The following HDX variants were observed in gnomAD, a reference collection of about 807,000 sequenced individuals.
HDX encodes chromosome X open reading frame 43.
HDX carries 19 observed loss-of-function variants against 45.2 expected under a neutral mutation model. The ratio of observed to expected loss-of-function variants is 0.42; its 90% CI spans 0.29 to 0.62. HDX has a LOEUF of 0.62. Ranked by LOEUF, HDX falls within the 20% of genes least tolerant of loss-of-function variation. The pLI, the probability that HDX is intolerant of heterozygous loss-of-function variation, is 0.20. For missense variants in HDX, 532 were observed against 493.9 expected (o/e 1.08, Z -0.73); for synonymous variants, 188 against 172.8 (o/e 1.09, Z -0.69).
chrX:84,357,535 G>A (rs920373364), intron 6 of HDX, among the ~76,000 whole-genome samples: 2 of 111,856 alleles, frequency 1.8e-5, no homozygotes, highest in Non-Finnish European at 3.8e-5. Context: ...ATACCAAGCT[G>A]ACCAAAGTTA....
chrX:84,460,946 A>G (rs1051569710), intron 4 of HDX, among the ~76,000 whole-genome samples: 2 of 111,666 alleles, frequency 1.8e-5, no homozygotes, highest in African/African-American at 6.5e-5. Context: ...CAAAAATAAT[A>G]TAATACCTAG....
chrX:84,378,837 C>A, intron 5 of HDX, among the ~76,000 whole-genome samples: 1 of 111,137 alleles, frequency 9.0e-6, no homozygotes. Flanking sequence ...GGACTAAACT[C>A]TCCAACAAAA....
At chrX:84,375,337 C>T (rs1165092682) in intron 5 of HDX, among the ~76,000 whole-genome samples, 4 of 110,300 alleles carry the variant, frequency 3.6e-5, no homozygotes, top group South Asian at 3.9e-4. Flanking sequence ...GTCAGTGTGG[C>T]GATTCCTCAG....
chrX:84,404,149 G>A (rs2038765761), intron 5 of HDX: 2 of 111,702 alleles, frequency 1.8e-5, no homozygotes, highest in African/African-American at 6.5e-5. Context: ...TAAAAAGAGA[G>A]CTGATCTAAA....
chrX:84,388,675 C>T (rs780780296), intron 5 of HDX, among the ~76,000 whole-genome samples: 3 of 111,531 alleles, frequency 2.7e-5, no homozygotes, highest in East Asian at 5.7e-4. Context: ...CTTAAAATGT[C>T]TATTTTATCC....
intron 7 of HDX, among the ~76,000 whole-genome samples, chrX:84,337,471 TTAAA>T (rs903530239): frequency 2.7e-5 from 3 of 111,528 alleles, no homozygotes; most frequent in African/African-American, 9.7e-5. Flanking sequence ...TTATTTGTGT[TTAAA>T]TATTTTTCTA....
At position 84,341,602 on chromosome X, in the gene HDX, A is replaced by G. The variant is rs191551591; in HGVS notation, c.1660+2648T>C. Reference sequence around the variant, plus strand: ...ATGCAGTTAATTGCTTTTTTAAAGAATTTCTAAAACACCAAATTCAATGGC... The same window carrying G: ...ATGCAGTTAATTGCTTTTTTAAAGAGTTTCTAAAACACCAAATTCAATGGC... On this transcript the variant is annotated intron_variant, in intron 7 of 10. Coordinates refer to ENST00000373177, the MANE Select transcript of HDX (RefSeq NM_001177479.2). Among the ~76,000 whole-genome samples the G allele has an allele frequency of 3.0e-3, 331 of 110,672 alleles. 1 individual carries two copies. Among genetic ancestry groups the G allele is most frequent in the African/African-American group, 0.011 (327 of 30,489 alleles).
intron 2 of HDX, among the ~76,000 whole-genome samples, chrX:84,487,726 C>G (rs947901748): frequency 8.9e-6 from 1 of 112,275 alleles, no homozygotes; most frequent in African/African-American, 3.2e-5. Flanking sequence ...ACTCACTGTA[C>G]AGCCTGCAAG....
At chrX:84,501,362 T>C (rs2041114481) in intron 1 of HDX, 1 of 111,297 alleles carries the variant, frequency 9.0e-6, no homozygotes, top group South Asian at 3.8e-4. Context: ...AAACTTGATA[T>C]GGAGACTAAA....
chrX:84,470,302 A>T (rs2040432288), intron 3 of HDX, among the ~76,000 whole-genome samples: 1 of 111,481 alleles, frequency 9.0e-6, no homozygotes, highest in Non-Finnish European at 1.9e-5. Flanking sequence ...ACCCTCACCA[A>T]GAGTTTGCCT....
chrX:84,368,818 AG>A (rs777768065), intron 5 of HDX, among the ~76,000 whole-genome samples: 2 of 110,864 alleles, frequency 1.8e-5, no homozygotes, highest in South Asian at 7.8e-4. Context: ...ACCGGGGAGG[AG>A]GGTTTCAGGA....
At chrX:84,443,775 A>G (rs2039813185) in intron 4 of HDX, among the ~76,000 whole-genome samples, 1 of 112,205 alleles carries the variant, frequency 8.9e-6, no homozygotes, top group Non-Finnish European at 1.9e-5. Context: ...GCCAGCTCCT[A>G]AAGCAATTGT....
chrX:84,422,602 G>T (rs182988089), intron 5 of HDX, among the ~76,000 whole-genome samples: 3 of 109,257 alleles, frequency 2.7e-5, no homozygotes, highest in Non-Finnish European at 3.8e-5. Context: ...AGTAAAGATC[G>T]GAGTAGAAAT....
chrX:84,398,257 C>T (rs949484557), intron 5 of HDX, among the ~76,000 whole-genome samples: 20 of 110,621 alleles, frequency 1.8e-4, no homozygotes, highest in African/African-American at 6.3e-4. Flanking sequence ...GGCCAAATGC[C>T]CCAATTAAAA....
chrX:84,349,031 A>G, intron 6 of HDX, among the ~76,000 whole-genome samples: 1 of 111,316 alleles, frequency 9.0e-6, no homozygotes, highest in Non-Finnish European at 1.9e-5. Flanking sequence ...CACCCCCTCC[A>G]TGATTGTACA....
chrX:84,458,133 G>A (rs767169293), intron 4 of HDX, among the ~76,000 whole-genome samples: 1 of 111,494 alleles, frequency 9.0e-6, no homozygotes, highest in East Asian at 2.8e-4. Context: ...AAGGCCTCAA[G>A]TCCCAATCAA....
chrX:84,443,941 T>C, intron 4 of HDX, among the ~76,000 whole-genome samples: 1 of 111,744 alleles, frequency 8.9e-6, no homozygotes, highest in South Asian at 3.7e-4. Context: ...GCAAGAACTA[T>C]TGCTTGAGAG....
chrX:84,369,224 C>T (rs2037835657), intron 5 of HDX, among the ~76,000 whole-genome samples: 1 of 112,122 alleles, frequency 8.9e-6, no homozygotes, highest in Admixed American at 9.5e-5. Flanking sequence ...CAAAGTTTAT[C>T]TATGTCACAG....
Position 84,469,508 on chromosome X carries a change from C to T in HDX, c.215G>A (p.Gly72Glu). 6.6e-6 allele frequency: 8 copies of T among 1,206,782 alleles called. No individual in the cohort carries two copies. The highest frequency in any genetic ancestry group is 9.0e-6 in the Non-Finnish European group (8 of 892,267). ...GATGTCTGGAGCTGACAAAGAGGTT[C>T]CTGTTGTTGCTGTTCCAGATTCAGA... is the stretch of plus-strand genomic sequence containing the variant. The part of the protein sequence containing the change: ...KNSESGTATT[G>E]TSLSAPDITV... Residue 72 changes from glycine to glutamate, a missense_variant, in exon 4 of 11, where the codon GGA becomes GAA. Gly to Glu is a moderately conservative substitution (Grantham distance 98). This residue lies in a region of HDX where 376 missense variants were observed against 343.7 expected (regional missense o/e 1.09). Coordinates refer to ENST00000373177, the MANE Select transcript of HDX (RefSeq NM_001177479.2).
Sources: gnomAD v4.1 joint callset for allele counts (sites outside exome capture counted in the v4.1 genomes callset) on GRCh38, gnomAD v4.1.1 for gene constraint, gnomAD v4.1.1 regional missense constraint, MANE v1.5 for transcripts, NCBI Gene and HGNC (gene_info 2026-07-23, HGNC 2026-07-21) for gene names.